Variants in SYNM observed in about 807,000 individuals in gnomAD.
SYNM encodes the protein desmuslin.
In SYNM, 95 loss-of-function variants were observed where a neutral mutation model predicts 104.0. The ratio of observed to expected loss-of-function variants is 0.91; its 90% CI spans 0.77 to 1.08. The LOEUF is 1.08. SYNM is among the 50% of genes least tolerant of loss of function. The pLI, the probability that SYNM is intolerant of heterozygous loss-of-function variation, is 0.00. For missense variants in SYNM, 2,150 were observed against 2,052.2 expected (o/e 1.05, Z -0.92); for synonymous variants, 918 against 869.0 (o/e 1.06, Z -0.99).
Position 99,105,529 on chromosome 15 carries a change from C to T in SYNM, c.330C>T (p.Asp110=), listed in dbSNP as rs1405694567. ...AGCGCGCCGCCCGCGGCCGCCTGGA[C>T]GCCGAGCTGGGTGCGCAGCAGCGCG... The part of the protein sequence containing the change: ...AEERAARGRL[D]AELGAQQREL... Residue 110 remains aspartate, a synonymous_variant, in exon 1 of 4, where the codon GAC becomes GAT. Transcript: ENST00000336292. The T allele has an allele frequency of 9.2e-5, 115 of 1,250,106 alleles. No homozygotes were observed. The highest frequency in any genetic ancestry group is 1.1e-4 in the Non-Finnish European group (108 of 999,642). The allele number at this position is 1,250,106 out of a possible 1,614,324, so 77.4% of individuals were successfully genotyped here.
At chr15:99,139,400 C>G (rs1567301855), downstream of SYNM, 2 of 1,614,136 alleles carry the variant, frequency 1.2e-6, no homozygotes, top group Non-Finnish European at 8.5e-7. Context: ...TCTGGAGACA[C>G]TGTAGAACAC....
chr15:99,125,471 C>T (rs1466042970), intron 2 of SYNM, among the ~76,000 whole-genome samples: 1 of 152,264 alleles, frequency 6.6e-6, no homozygotes, highest in Admixed American at 6.5e-5. Context: ...CGTCCACACA[C>T]AAGCATCCCG....
Position 99,129,468 on chromosome 15 carries a change from C to A in SYNM, c.1108C>A (p.His370Asn), listed in dbSNP as rs1555485389. The stretch of plus-strand genomic sequence containing the variant: ...GAAAGCACCTTTGGCAAGTTTCAAT[C>A]ACAGCTCGGCACTGTATTCTAACCT... The part of the protein sequence containing the change: ...RQKAPLASFN[H>N]SSALYSNLSG... Residue 370 changes from histidine to asparagine, a missense_variant, in exon 4 of 4, where the codon CAC (histidine) becomes AAC (asparagine). By Grantham distance (68) the His-to-Asn change is moderately conservative. Transcript: ENST00000336292. 1.2e-6 allele frequency: 2 copies of A among 1,614,024 alleles called. No individual in the cohort carries two copies. The highest frequency in any genetic ancestry group is 2.2e-5 in the South Asian group (2 of 91,076).
At position 99,131,939 on chromosome 15, in the gene SYNM, C is replaced by T. The variant is rs782222327; in HGVS notation, c.3579C>T (p.Ala1193=). The T allele has an allele frequency of 1.1e-5, 17 of 1,613,720 alleles. No individual in the cohort carries two copies. Among genetic ancestry groups the T allele is most frequent in the Non-Finnish European group, 1.4e-5 (16 of 1,179,870 alleles). Residue 1193 remains alanine, a synonymous_variant, in exon 4 of 4, where the codon GCC becomes GCT. Coordinates refer to ENST00000336292, the MANE Select transcript of SYNM (RefSeq NM_145728.3). The surrounding 1 kb of genome is among the most constrained non-coding windows in gnomAD (Gnocchi z 4.3). Reference sequence around the variant, plus strand: ...GAGAAGTCATCTTCCTAGGCCCTGCCCCTGCCTGTCCAGAGGCATGGGGCT... The same window carrying T: ...GAGAAGTCATCTTCCTAGGCCCTGCTCCTGCCTGTCCAGAGGCATGGGGCT... ...LSREVIFLGP[A]PACPEAWGSP...
rs782328203 is a variant in SYNM at position 99,130,616 on chromosome 15, C to T, written c.2256C>T (p.Pro752=). The T allele has an allele frequency of 2.9e-5, 47 of 1,613,370 alleles. No individual in the cohort carries two copies. The highest frequency in any genetic ancestry group is 1.2e-4 in the Admixed American group (7 of 59,900). ...TCAACGTGGAGATCGTGGAGGAGCC[C>T]GTGAGTTATGTCAGCGGGGAGAAGC... ...KVVNVEIVEE[P]VSYVSGEKPE... Residue 752 remains proline (P), a synonymous_variant, in exon 4 of 4, where the codon CCC becomes CCT. Transcript: ENST00000336292.
At chr15:99,138,063 TGCTG>T (rs782677978), downstream of SYNM, 36 of 1,613,880 alleles carry the variant, frequency 2.2e-5, no homozygotes, top group Non-Finnish European at 3.0e-5. Flanking sequence ...TCCTGAGGGA[TGCTG>T]GTGCAGAAGG....
chr15:99,123,739 G>A (rs782117575), intron 2 of SYNM, among the ~76,000 whole-genome samples: 2 of 152,250 alleles, frequency 1.3e-5, no homozygotes, highest in Non-Finnish European at 2.9e-5. Flanking sequence ...CCCGGCCCCG[G>A]CCCCAGCAGG....
In SYNM at chr15:99,108,132, G is replaced by A. The variant is rs566885742; in HGVS notation, c.810+2123G>A. On this transcript the variant is annotated intron_variant, in intron 1 of 3. Coordinates refer to ENST00000336292, the MANE Select transcript of SYNM (RefSeq NM_145728.3). ...TGGGAGTACAGGATCCCACCACCCC[G>A]CCTGGCTAATTTTTGTATTTTTAGT... Among the ~76,000 whole-genome samples the A allele has an allele frequency of 4.0e-5, 6 of 151,898 alleles. No homozygotes were observed. The East Asian group carries it at 7.7e-4, about 20-fold the overall frequency.
downstream of SYNM, chr15:99,139,363 C>T (rs1050887311): frequency 4.3e-6 from 7 of 1,613,954 alleles, no homozygotes; most frequent in East Asian, 2.2e-5. Flanking sequence ...GTCCTTTTGT[C>T]CTGCGGTCCA....
At chr15:99,110,070 G>A (rs1479610484) in intron 1 of SYNM, among the ~76,000 whole-genome samples, 2 of 152,172 alleles carry the variant, frequency 1.3e-5, no homozygotes, top group African/African-American at 2.4e-5. Context: ...TTGGACCAGG[G>A]GTCTCAGAGG....
chr15:99,115,012 G>C (rs1481996853), intron 2 of SYNM, among the ~76,000 whole-genome samples: 2 of 152,104 alleles, frequency 1.3e-5, no homozygotes, highest in Admixed American at 1.3e-4. Flanking sequence ...TCTCTGCTCC[G>C]AGTCAACTCT....
chr15:99,114,649 C>A (rs1483777726), intron 2 of SYNM, among the ~76,000 whole-genome samples: 1 of 151,920 alleles, frequency 6.6e-6, no homozygotes, highest in Non-Finnish European at 1.5e-5. Context: ...TCAAGGTAAC[C>A]AACTCTGATG....
intron 2 of SYNM, among the ~76,000 whole-genome samples, chr15:99,116,211 C>T (rs1555483917): frequency 2.0e-5 from 3 of 152,256 alleles, no homozygotes; most frequent in Non-Finnish European, 4.4e-5. Context: ...CCATTGTTGG[C>T]ATTCTCCTTG....
At chr15:99,139,370 T>C, downstream of SYNM, 1 of 1,614,078 alleles carries the variant, frequency 6.2e-7, no homozygotes, top group Non-Finnish European at 8.5e-7. Context: ...TGTCCTGCGG[T>C]CCATATAAGA....
At chr15:99,129,147 G>C in intron 3 of SYNM, 1 of 597,698 alleles carries the variant, frequency 1.7e-6, no homozygotes, top group Non-Finnish European at 2.9e-6. Flanking sequence ...AACGTGTTAG[G>C]CTGAAGTATT....
chr15:99,119,459 C>A (rs1386342460), intron 2 of SYNM, among the ~76,000 whole-genome samples: 1 of 152,198 alleles, frequency 6.6e-6, no homozygotes, highest in Non-Finnish European at 1.5e-5. Context: ...GGTCTTCTCA[C>A]AGCAGCCTGG....
intron 2 of SYNM, among the ~76,000 whole-genome samples, chr15:99,121,277 G>C (rs1265035219): frequency 6.6e-6 from 1 of 152,012 alleles, no homozygotes; most frequent in East Asian, 1.9e-4. Flanking sequence ...CACTGTGGAG[G>C]GGGTAGGCAG....
intron 1 of SYNM, among the ~76,000 whole-genome samples, chr15:99,110,399 T>C (rs1322864192): frequency 6.6e-6 from 1 of 152,236 alleles, no homozygotes; most frequent in Non-Finnish European, 1.5e-5. Flanking sequence ...TCAAGTTCCA[T>C]GTACGTGTGT....
chr15:99,127,246 T>G (rs1480148014), intron 3 of SYNM, among the ~76,000 whole-genome samples: 1 of 152,168 alleles, frequency 6.6e-6, no homozygotes, highest in African/African-American at 2.4e-5. Flanking sequence ...AATAGTTACA[T>G]TGTTTACACC....
Sources: gnomAD v4.1 joint callset for allele counts (sites outside exome capture counted in the v4.1 genomes callset) on GRCh38, gnomAD v4.1.1 for gene constraint, Gnocchi (gnomAD v3.1) non-coding constraint, MANE v1.5 for transcripts, NCBI Gene and HGNC (gene_info 2026-07-23, HGNC 2026-07-21) for gene names.